TXLNB: variants seen among roughly 807,000 people sequenced by gnomAD.
TXLNB encodes the protein beta-taxilin.
Under a neutral mutation model 57.4 loss-of-function variants are expected in TXLNB, and 37 were observed. The observed-to-expected ratio is 0.64, with a 90% CI of 0.50 to 0.85. The LOEUF is 0.85. TXLNB is among the 40% of genes least tolerant of loss of function. The pLI, the probability that TXLNB is intolerant of heterozygous loss-of-function variation, is 0.00. For synonymous variants in TXLNB, 302 were observed against 309.6 expected, an observed-to-expected ratio of 0.98 and a Z score of 0.26; for missense variants, 848 against 825.6, an observed-to-expected ratio of 1.03 and a Z score of -0.33.
the TXLNB span, among the ~76,000 whole-genome samples, chr6:139,206,633 C>T: frequency 6.6e-6 from 1 of 151,100 alleles, no homozygotes; most frequent in South Asian, 2.1e-4. Context: ...GAGATCGCGC[C>T]ACTGCACCCC....
intron 8 of TXLNB, among the ~76,000 whole-genome samples, chr6:139,244,970 A>G (rs1776036979): frequency 6.6e-6 from 1 of 152,236 alleles, no homozygotes; most frequent in Non-Finnish European, 1.5e-5. Flanking sequence ...CATTTAAAAG[A>G]AGAATATCTT....
the TXLNB span, among the ~76,000 whole-genome samples, chr6:139,216,394 G>A: frequency 3.2e-4 from 47 of 146,740 alleles, no homozygotes; most frequent in African/African-American, 9.3e-4. Flanking sequence ...CAAACACCGC[G>A]TGTTCTCACT....
At chr6:139,173,628 C>T in the TXLNB span, among the ~76,000 whole-genome samples, 5 of 152,180 alleles carry the variant, frequency 3.3e-5, no homozygotes, top group Admixed American at 2.0e-4. Context: ...TGCTGTTATA[C>T]GTTGCCTGGG....
chr6:139,168,307 A>AAT, the TXLNB span, among the ~76,000 whole-genome samples: 1 of 152,220 alleles, frequency 6.6e-6, no homozygotes, highest in African/African-American at 2.4e-5. Flanking sequence ...TACTAATGTG[A>AAT]ATATATATAT....
At chr6:139,215,866 T>C in the TXLNB span, among the ~76,000 whole-genome samples, 1 of 152,040 alleles carries the variant, frequency 6.6e-6, no homozygotes, top group Non-Finnish European at 1.5e-5. Context: ...TAAAAACACA[T>C]GAAAAAATGC....
chr6:139,256,624 G>A (rs1776350278), intron 6 of TXLNB, among the ~76,000 whole-genome samples: 1 of 152,208 alleles, frequency 6.6e-6, no homozygotes, highest in African/African-American at 2.4e-5. Flanking sequence ...CGCCGTGCCC[G>A]GCCAACAACT....
the TXLNB span, among the ~76,000 whole-genome samples, chr6:139,211,229 C>T: frequency 3.3e-5 from 5 of 152,334 alleles, no homozygotes; most frequent in East Asian, 3.9e-4. Context: ...GAGGCACCCC[C>T]GAGTAGGGGC....
chr6:139,289,383 G>T (rs1306401416), intron 1 of TXLNB, among the ~76,000 whole-genome samples: 1 of 152,194 alleles, frequency 6.6e-6, no homozygotes, highest in African/African-American at 2.4e-5. Context: ...ACTTAGAGTT[G>T]TGAGCCCTTA....
At chr6:139,167,137 C>G in the TXLNB span, 2 of 1,614,038 alleles carry the variant, frequency 1.2e-6, no homozygotes, top group African/African-American at 1.3e-5. Flanking sequence ...CCCAAGTGGG[C>G]CAGGGGGAAG....
chr6:139,309,913 A>G, the TXLNB span, among the ~76,000 whole-genome samples: 14 of 152,204 alleles, frequency 9.2e-5, no homozygotes, highest in African/African-American at 3.4e-4. Flanking sequence ...TGCTGGAAAA[A>G]CTAGATTACC....
At chr6:139,188,714 A>C in the TXLNB span, among the ~76,000 whole-genome samples, 1 of 152,264 alleles carries the variant, frequency 6.6e-6, no homozygotes, top group East Asian at 1.9e-4. Context: ...CTTTTTGAAA[A>C]ATTGTGTTGG....
chr6:139,177,142 A>G, the TXLNB span: 1 of 788,300 alleles, frequency 1.3e-6, no homozygotes, highest in Non-Finnish European at 2.2e-6. This position sits in a 1 kb window ranked among gnomAD's most constrained non-coding sequence, Gnocchi z 4.9. Flanking sequence ...TTTTATTGAT[A>G]TTATTACTTT....
At chr6:139,167,061 C>G in the TXLNB span, 2 of 1,614,210 alleles carry the variant, frequency 1.2e-6, no homozygotes, top group Non-Finnish European at 1.7e-6. Flanking sequence ...CTGGACCTCT[C>G]CGAACTCCTC....
At chr6:139,300,009 C>G in the TXLNB span, among the ~76,000 whole-genome samples, 3 of 152,090 alleles carry the variant, frequency 2.0e-5, no homozygotes, top group African/African-American at 7.2e-5. Context: ...GTTCATTTTT[C>G]TCTTCTCTGT....
the TXLNB span, among the ~76,000 whole-genome samples, chr6:139,174,060 C>G: frequency 3.3e-5 from 5 of 152,248 alleles, no homozygotes; most frequent in Non-Finnish European, 7.4e-5. Flanking sequence ...GAATACAGTA[C>G]AGGCTGGTTT....
intron 9 of TXLNB, among the ~76,000 whole-genome samples, chr6:139,243,846 A>G (rs1776008459): frequency 6.6e-6 from 1 of 152,206 alleles, no homozygotes; most frequent in South Asian, 2.1e-4. Flanking sequence ...ATAACCATAG[A>G]AATTCACCAT....
At chr6:139,303,782 T>C in the TXLNB span, among the ~76,000 whole-genome samples, 65,417 of 150,858 alleles carry the variant, frequency 0.43, 15,103 homozygotes, top group African/African-American at 0.6. Flanking sequence ...TAAAAGAAAA[T>C]ATTTGTAGTT....
At chr6:139,208,087 A>T in the TXLNB span, among the ~76,000 whole-genome samples, 25 of 152,100 alleles carry the variant, frequency 1.6e-4, 1 homozygote, top group African/African-American at 5.8e-4. Flanking sequence ...AACAAAAAAA[A>T]AGAGAGAGAG....
chr6:139,231,064 C>A, the TXLNB span, among the ~76,000 whole-genome samples: 2 of 152,066 alleles, frequency 1.3e-5, no homozygotes, highest in Non-Finnish European at 2.9e-5. Context: ...CTGCACATAC[C>A]GGCACGTTTT....
Sources: gnomAD v4.1 joint callset for allele counts (sites outside exome capture counted in the v4.1 genomes callset) on GRCh38, gnomAD v4.1.1 for gene constraint, Gnocchi (gnomAD v3.1) non-coding constraint, MANE v1.5 for transcripts, NCBI Gene and HGNC (gene_info 2026-07-23, HGNC 2026-07-21) for gene names.